Variants in CNTN1 observed in about 807,000 individuals in gnomAD.
The protein encoded by CNTN1 is contactin-1.
In CNTN1, 38 loss-of-function variants were observed where a neutral mutation model predicts 126.4. The observed-to-expected ratio is 0.30, with a 90% confidence interval of 0.23 to 0.39. CNTN1 has a LOEUF of 0.39. CNTN1 is among the 10% of genes least tolerant of loss of function. The pLI, the probability that CNTN1 is intolerant of heterozygous loss-of-function variation, is 1.00. For synonymous variants in CNTN1, 413 were observed against 422.6 expected (o/e 0.98, Z 0.28); for missense variants, 1,009 against 1,248.4 (o/e 0.81, Z 2.89).
At chr12:41,024,596 A>G (rs1948999103) in intron 20 of CNTN1, among the ~76,000 whole-genome samples, 1 of 152,144 alleles carries the variant, frequency 6.6e-6, no homozygotes, top group South Asian at 2.1e-4. Flanking sequence ...TTTCTTTGAT[A>G]TCTAGCTTCT....
chr12:40,750,830 C>T (rs1170122397), intron 1 of CNTN1, among the ~76,000 whole-genome samples: 1 of 151,976 alleles, frequency 6.6e-6, no homozygotes, highest in Non-Finnish European at 1.5e-5. Flanking sequence ...GAGAGGATAT[C>T]TAATCCTTTT....
chr12:40,927,400 G>A (rs758103196), intron 6 of CNTN1, among the ~76,000 whole-genome samples: 1 of 152,082 alleles, frequency 6.6e-6, no homozygotes. Flanking sequence ...GAGAGTCAGC[G>A]TGGCTATTGC....
chr12:40,709,932 T>C (rs1392447353), intron 1 of CNTN1, among the ~76,000 whole-genome samples: 4 of 152,224 alleles, frequency 2.6e-5, no homozygotes, highest in Non-Finnish European at 4.4e-5. Flanking sequence ...GTGTGTACAC[T>C]AAAGTAGTAC....
At chr12:40,996,286 C>A (rs1042554334) in intron 17 of CNTN1, among the ~76,000 whole-genome samples, 1 of 152,050 alleles carries the variant, frequency 6.6e-6, no homozygotes, top group Non-Finnish European at 1.5e-5. Context: ...GGCTTGTCAC[C>A]ACGCCCAGCT....
chr12:40,954,057 C>T (rs1295533193), intron 14 of CNTN1, among the ~76,000 whole-genome samples: 1 of 152,082 alleles, frequency 6.6e-6, no homozygotes, highest in African/African-American at 2.4e-5. Flanking sequence ...AATCTAATGA[C>T]ATGGCTCATT....
chr12:41,010,662 A>G (rs1948625276), intron 17 of CNTN1, among the ~76,000 whole-genome samples: 2 of 152,184 alleles, frequency 1.3e-5, no homozygotes, highest in South Asian at 2.1e-4. Flanking sequence ...CGACTGATTC[A>G]GGGGATAAAG....
intron 1 of CNTN1, among the ~76,000 whole-genome samples, chr12:40,824,430 T>C (rs1366218385): frequency 6.6e-6 from 1 of 152,146 alleles, no homozygotes; most frequent in Non-Finnish European, 1.5e-5. Context: ...GAAACTGTGT[T>C]AAGTAATGTA....
At chr12:40,989,528 G>A (rs1196625892) in intron 16 of CNTN1, among the ~76,000 whole-genome samples, 1 of 152,010 alleles carries the variant, frequency 6.6e-6, no homozygotes, top group African/African-American at 2.4e-5. Flanking sequence ...ATGTGGTGGG[G>A]CAAGGTAAAA....
intron 3 of CNTN1, among the ~76,000 whole-genome samples, chr12:40,912,360 C>G (rs1169858614): frequency 6.6e-6 from 1 of 150,392 alleles, no homozygotes; most frequent in East Asian, 1.9e-4. Flanking sequence ...ATTTTAGATG[C>G]TTTTTTCCAC....
intron 14 of CNTN1, among the ~76,000 whole-genome samples, chr12:40,947,772 TATATATATATACACAC>T (rs1408502044): frequency 2.8e-5 from 2 of 72,164 alleles, no homozygotes; most frequent in African/African-American, 1.4e-4. Context: ...TTCATATATA[TATATATATATACACAC>T]ACACACACAC....
intron 23 of CNTN1, among the ~76,000 whole-genome samples, chr12:41,037,284 C>T (rs1949287493): frequency 6.6e-6 from 1 of 152,060 alleles, no homozygotes; most frequent in Admixed American, 6.6e-5. Context: ...GGTCATGCAT[C>T]ACATAACAAA....
intron 17 of CNTN1, among the ~76,000 whole-genome samples, chr12:41,000,586 T>G (rs1948330915): frequency 6.6e-6 from 1 of 152,022 alleles, no homozygotes; most frequent in African/African-American, 2.4e-5. Context: ...AAACTTCATA[T>G]TATTAATAAT....
At chr12:41,058,162 A>G (rs1430578440) in intron 23 of CNTN1, among the ~76,000 whole-genome samples, 2 of 152,130 alleles carry the variant, frequency 1.3e-5, no homozygotes, top group Non-Finnish European at 1.5e-5. Flanking sequence ...GGTAAGACAT[A>G]GTAAATCCAA....
At chr12:41,006,265 C>T (rs1023823518) in intron 17 of CNTN1, among the ~76,000 whole-genome samples, 2 of 152,160 alleles carry the variant, frequency 1.3e-5, no homozygotes, top group East Asian at 1.9e-4. Flanking sequence ...TCTGGCTCCT[C>T]AAGGTTTGGA....
rs889762872 is a variant in CNTN1 at position 40,925,622 on chromosome 12, T to C, written c.496+970T>C. ...ATATATATACGTGTATATATATATA[T>C]ACACATATATATATATAGAGAGAGA... On this transcript the variant is annotated intron_variant, in intron 6 of 23. Transcript: ENST00000551295. 9.2e-5 allele frequency among the ~76,000 whole-genome samples: 11 copies of C among 120,202 alleles called. No individual in the cohort carries two copies. The East Asian group carries it at 1.1e-3, about 12-fold the overall frequency. The allele number at this position is 120,202 out of a possible 152,430, so 78.9% of individuals were successfully genotyped here. A position where few individuals can be genotyped will look rare whatever the true frequency, so the allele number is the denominator to read the frequency against.
In CNTN1 at chr12:40,858,032, G is replaced by A. The variant is rs571300245; in HGVS notation, c.-76-50325G>A. Among the ~76,000 whole-genome samples the A allele has an allele frequency of 5.3e-5, 8 of 152,296 alleles. No individual in the cohort carries two copies. In the East Asian group the frequency reaches 1.5e-3, roughly 29 times the overall value. ...GGATCCTCGGTTCAGAATCTCACAAGGTTGAAGTCAAGTTTGGCTGGGCTG... is the reference window on the plus strand; with the variant it reads ...GGATCCTCGGTTCAGAATCTCACAAAGTTGAAGTCAAGTTTGGCTGGGCTG... On this transcript the variant is annotated intron_variant, in intron 1 of 23. Transcript: ENST00000551295.
intron 1 of CNTN1, among the ~76,000 whole-genome samples, chr12:40,884,627 A>G (rs1592203646): frequency 6.6e-6 from 1 of 151,616 alleles, no homozygotes; most frequent in East Asian, 1.9e-4. Flanking sequence ...GTTAATTTTA[A>G]TGCTGTGCAA....
chr12:41,003,315 C>G (rs1212685331), intron 17 of CNTN1, among the ~76,000 whole-genome samples: 1 of 152,060 alleles, frequency 6.6e-6, no homozygotes, highest in Non-Finnish European at 1.5e-5. Flanking sequence ...CATGGATGAG[C>G]TTTTTGATGT....
Position 40,775,195 on chromosome 12 carries a change from T to C in CNTN1, c.-77+82603T>C, listed in dbSNP as rs1939530854. 2.0e-5 allele frequency among the ~76,000 whole-genome samples: 3 copies of C among 151,344 alleles called. No homozygotes were observed. The East Asian group carries it at 5.8e-4, about 29-fold the overall frequency. The stretch of plus-strand genomic sequence containing the variant: ...TGGTTATTTATCTTGATCTACTATA[T>C]GGAGGAGAGATTTTAAAAATAACTT... On this transcript the variant is annotated intron_variant, in intron 1 of 23. Transcript: ENST00000551295.
Sources: gnomAD v4.1 joint callset for allele counts (sites outside exome capture counted in the v4.1 genomes callset) on GRCh38, gnomAD v4.1.1 for gene constraint, MANE v1.5 for transcripts, NCBI Gene and HGNC (gene_info 2026-07-23, HGNC 2026-07-21) for gene names.